The following IFT122 variants were observed in gnomAD, a reference collection of about 807,000 sequenced individuals.
IFT122 encodes the protein intraflagellar transport 122.
Under a neutral mutation model 161.6 loss-of-function variants are expected in IFT122, and 118 were observed. The ratio of observed to expected loss-of-function variants is 0.73; its 90% CI spans 0.63 to 0.85. IFT122 has a LOEUF of 0.85. Among genes scored for constraint, IFT122 ranks in the 40% least tolerant of loss-of-function variants. IFT122 has a pLI of 0.00. For synonymous variants in IFT122, 550 were observed against 602.4 expected, an observed-to-expected ratio of 0.91 and a Z score of 1.27; for missense variants, 1,381 against 1,579.6, an observed-to-expected ratio of 0.87 and a Z score of 2.13.
In IFT122 at chr3:129,455,407, G is replaced by C. The variant is rs563507667; in HGVS notation, c.194-3192G>C. 6.4e-4 allele frequency among the ~76,000 whole-genome samples: 97 copies of C among 152,056 alleles called. 1 individual carries two copies. Among genetic ancestry groups the C allele is most frequent in the Middle Eastern group, 3.4e-3 (1 of 294 alleles). On this transcript the variant is annotated intron_variant, in intron 3 of 29. Transcript: ENST00000348417. ...GGCCTGATCTCAAACTCCTGACCTCGTGATCCGCCCACCTCGGCCTCCCAA... is the reference window on the plus strand; with the variant it reads ...GGCCTGATCTCAAACTCCTGACCTCCTGATCCGCCCACCTCGGCCTCCCAA...
At chr3:129,509,631 A>G (rs1435744855) in intron 23 of IFT122, among the ~76,000 whole-genome samples, 3 of 152,262 alleles carry the variant, frequency 2.0e-5, no homozygotes, top group African/African-American at 7.2e-5. Context: ...GCAAAAAAAC[A>G]TAAAGCGAGA....
intron 20 of IFT122, chr3:129,504,017 C>T (rs1388689928): frequency 5.0e-6 from 2 of 401,596 alleles, no homozygotes; most frequent in Non-Finnish European, 9.5e-6. Flanking sequence ...TGCAGCACTA[C>T]AGGAGCCCAC....
chr3:129,517,627 C>T (rs762605709), intron 27 of IFT122, 33 bp downstream of exon 27: 16 of 1,606,656 alleles, frequency 1.0e-5, no homozygotes, highest in African/African-American at 6.7e-5. Context: ...CCTGTGTGTG[C>T]GGCTGTGTGA....
intron 6 of IFT122, 72 bp downstream of exon 6, chr3:129,463,698 C>A: frequency 7.8e-7 from 1 of 1,279,696 alleles, no homozygotes; most frequent in South Asian, 1.2e-5. Flanking sequence ...CCAATTATTT[C>A]ATGCAGCAGA....
Position 129,440,825 on chromosome 3 carries a change from C to T in IFT122, c.41+454C>T, listed in dbSNP as rs2072939570. Among the ~76,000 whole-genome samples, 11 of 152,362 alleles carry T rather than the reference C, an allele frequency of 7.2e-5. No homozygotes were observed. The South Asian group carries it at 2.3e-3, about 32-fold the overall frequency. ...ACTCCATTTATGAAAACCAGTGTCACTTGCTCTAAATGTTAAGATAAAATC... is the reference window on the plus strand; with the variant it reads ...ACTCCATTTATGAAAACCAGTGTCATTTGCTCTAAATGTTAAGATAAAATC... On this transcript the variant is annotated intron_variant, in intron 1 of 29. Coordinates refer to ENST00000348417, the MANE Select transcript of IFT122 (RefSeq NM_052989.3).
intron 16 of IFT122, among the ~76,000 whole-genome samples, chr3:129,488,958 A>G (rs896925364): frequency 4.6e-5 from 7 of 152,060 alleles, no homozygotes; most frequent in Admixed American, 6.5e-5. Flanking sequence ...GGCCTAGTCT[A>G]TGAAAGCTAG....
chr3:129,445,969 T>G (rs1442534590), intron 1 of IFT122, among the ~76,000 whole-genome samples: 1 of 152,150 alleles, frequency 6.6e-6, no homozygotes, highest in Non-Finnish European at 1.5e-5. Flanking sequence ...CTGAATGGAT[T>G]TCCTTCTCAA....
chr3:129,444,082 G>A (rs1488992684), intron 1 of IFT122, among the ~76,000 whole-genome samples: 5 of 152,154 alleles, frequency 3.3e-5, no homozygotes, highest in African/African-American at 7.2e-5. Context: ...AGTGTCAGGC[G>A]CTTTGGATAG....
intron 25 of IFT122, chr3:129,515,222 C>T (rs1204776029): frequency 8.6e-6 from 5 of 582,906 alleles, no homozygotes; most frequent in Admixed American, 3.0e-5. Context: ...CACTGTCATT[C>T]CTGCCAGGGG....
Position 129,506,444 on chromosome 3 carries a change from C to G in IFT122, c.2686C>G (p.Gln896Glu). The change falls in exon 22 of 30, where the codon CAG becomes GAG. Residue 896 changes from glutamine (Q) to glutamate (E), a missense_variant. This residue lies in a region of IFT122 where 496 missense variants were observed against 502.5 expected (regional missense o/e 0.99). Coordinates refer to ENST00000348417, the MANE Select transcript of IFT122 (RefSeq NM_052989.3). ...HKAGRQREAV[Q>E]VLEQLTNNAV... ...GGCTGGGCGACAGAGAGAAGCGGTC[C>G]AGGTGCTGGAGCAGCTCACAAACAA... is the stretch of plus-strand genomic sequence containing the variant. 6.2e-7 allele frequency: 1 copy of G among 1,614,184 alleles called. No individual in the cohort carries two copies. The highest frequency in any genetic ancestry group is 8.5e-7 in the Non-Finnish European group (1 of 1,180,034).
chr3:129,463,452 A>G (rs1303165510), intron 5 of IFT122, 108 bp from the exon 6 acceptor site: 1 of 855,712 alleles, frequency 1.2e-6, no homozygotes, highest in African/African-American at 1.7e-5. Flanking sequence ...TCAGCATAAA[A>G]TCCTGGAGAT....
intron 28 of IFT122, 88 bp from the exon 29 acceptor site, chr3:129,519,480 C>G: frequency 6.4e-7 from 1 of 1,559,354 alleles, no homozygotes; most frequent in Admixed American, 1.8e-5. Context: ...TCTCTCACCA[C>G]TGCCAAAGAT....
At chr3:129,477,901 A>G in intron 11 of IFT122, 115 bp from the exon 12 acceptor site, 1 of 837,310 alleles carries the variant, frequency 1.2e-6, no homozygotes, top group Non-Finnish European at 2.0e-6. Flanking sequence ...TTTTTCAATG[A>G]GAGTATCTCA....
chr3:129,455,171 T>A (rs1463108852), intron 3 of IFT122, among the ~76,000 whole-genome samples: 1 of 151,568 alleles, frequency 6.6e-6, no homozygotes, highest in Non-Finnish European at 1.5e-5. Context: ...GTTCATTAAG[T>A]TTTTTTTGTT....
chr3:129,503,165 A>G (rs1578007519), intron 20 of IFT122, among the ~76,000 whole-genome samples: 1 of 152,230 alleles, frequency 6.6e-6, no homozygotes, highest in South Asian at 2.1e-4. Context: ...TGAACACGAC[A>G]GCTCCAGTGC....
chr3:129,441,390 C>G (rs1250396797), intron 1 of IFT122, among the ~76,000 whole-genome samples: 1 of 152,184 alleles, frequency 6.6e-6, no homozygotes, highest in Non-Finnish European at 1.5e-5. Context: ...GTAGCTGACA[C>G]TATGTGCCAG....
At chr3:129,464,392 G>A (rs2076495344) in intron 6 of IFT122, among the ~76,000 whole-genome samples, 1 of 152,188 alleles carries the variant, frequency 6.6e-6, no homozygotes, top group African/African-American at 2.4e-5. Context: ...TGTACAGAGG[G>A]CTGGGGGAGC....
chr3:129,516,563 GCACA>G (rs774399900), intron 26 of IFT122, among the ~76,000 whole-genome samples: 1,453 of 90,246 alleles, frequency 0.016, 27 homozygotes, highest in Non-Finnish European at 0.026. Flanking sequence ...GATTGCTCCT[GCACA>G]CACACACACA....
At chr3:129,506,385 T>C in intron 21 of IFT122, 24 bp from the exon 22 acceptor site, 1 of 1,612,018 alleles carries the variant, frequency 6.2e-7, no homozygotes, top group Non-Finnish European at 8.5e-7. Flanking sequence ...ATGTGCTTTT[T>C]TCCTCCCTCC....
Sources: gnomAD v4.1 joint callset for allele counts (sites outside exome capture counted in the v4.1 genomes callset) on GRCh38, gnomAD v4.1.1 for gene constraint, gnomAD v4.1.1 regional missense constraint, MANE v1.5 for transcripts, NCBI Gene and HGNC (gene_info 2026-07-23, HGNC 2026-07-21) for gene names.